PARD3: variants seen among roughly 807,000 people sequenced by gnomAD.
The protein encoded by PARD3 is partitioning defective 3 homolog.
In PARD3, 75 loss-of-function variants were observed where a neutral mutation model predicts 155.4. The ratio of observed to expected loss-of-function variants is 0.48; its 90% CI spans 0.40 to 0.58. The LOEUF (loss-of-function observed/expected upper bound fraction) is 0.58, where lower values mean the gene tolerates loss of function less well. Ranked by LOEUF, PARD3 falls within the 20% of genes least tolerant of loss-of-function variation. The pLI is 0.00. For synonymous variants in PARD3, 576 were observed against 610.5 expected, an observed-to-expected ratio of 0.94 and a Z score of 0.83; for missense variants, 1,642 against 1,721.7, an observed-to-expected ratio of 0.95 and a Z score of 0.82.
intron 22 of PARD3, among the ~76,000 whole-genome samples, chr10:34,208,922 T>C (rs951658505): frequency 1.2e-4 from 18 of 152,194 alleles, no homozygotes; most frequent in African/African-American, 3.9e-4. Context: ...TAAACAGACA[T>C]GTTAGAATTA....
chr10:34,349,623 ATACTC>A (rs1278919853), intron 14 of PARD3, among the ~76,000 whole-genome samples: 4 of 149,564 alleles, frequency 2.7e-5, no homozygotes, highest in African/African-American at 9.8e-5. Context: ...AATAAAACGA[ATACTC>A]TATACCATTA....
intron 2 of PARD3, among the ~76,000 whole-genome samples, chr10:34,690,020 T>G (rs1443320064): frequency 1.3e-5 from 2 of 152,202 alleles, no homozygotes; most frequent in Non-Finnish European, 2.9e-5. Flanking sequence ...CTCAGCTCAC[T>G]GCAACCTCCG....
chr10:34,552,645 C>T (rs1425930814), intron 2 of PARD3, among the ~76,000 whole-genome samples: 6 of 151,740 alleles, frequency 4.0e-5, no homozygotes, highest in African/African-American at 7.3e-5. Context: ...ACCCAGGAAG[C>T]GGAGGTTACA....
chr10:34,805,534 C>T (rs1843259252), intron 1 of PARD3, among the ~76,000 whole-genome samples: 1 of 122,788 alleles, frequency 8.1e-6, no homozygotes, highest in Non-Finnish European at 1.8e-5. Context: ...GAAATACACA[C>T]GTATGTGCAT....
intron 24 of PARD3, among the ~76,000 whole-genome samples, chr10:34,117,251 T>C (rs1588821605): frequency 6.6e-6 from 1 of 152,162 alleles, no homozygotes; most frequent in East Asian, 1.9e-4. Context: ...CCAAAATATA[T>C]GAAGCCAAAC....
At chr10:34,464,312 ACTCAGG>A (rs1338951319) in intron 4 of PARD3, among the ~76,000 whole-genome samples, 1 of 152,066 alleles carries the variant, frequency 6.6e-6, no homozygotes, top group Non-Finnish European at 1.5e-5. Flanking sequence ...AAGTTCTGGA[ACTCAGG>A]AATAGTACCA....
intron 20 of PARD3, among the ~76,000 whole-genome samples, chr10:34,311,256 T>G (rs886667920): frequency 2.6e-5 from 4 of 152,238 alleles, no homozygotes; most frequent in African/African-American, 9.6e-5. Context: ...ACTTCAGTTA[T>G]TTATTTTTTT....
At chr10:34,359,560 CA>C (rs1330902898) in intron 13 of PARD3, among the ~76,000 whole-genome samples, 1 of 151,974 alleles carries the variant, frequency 6.6e-6, no homozygotes, top group Non-Finnish European at 1.5e-5. Flanking sequence ...ATCTGTTTAC[CA>C]AAATAGCATA....
intron 1 of PARD3, among the ~76,000 whole-genome samples, chr10:34,744,748 G>C (rs111398440): frequency 6.6e-6 from 1 of 152,280 alleles, no homozygotes; most frequent in African/African-American, 2.4e-5. Context: ...TGTAATAATT[G>C]AACAAAAAAA....
At chr10:34,186,357 TA>T (rs61694192) in intron 22 of PARD3, among the ~76,000 whole-genome samples, 29,143 of 125,670 alleles carry the variant, frequency 0.23, 3,221 homozygotes, top group Middle Eastern at 0.33. Flanking sequence ...GAGACCCTCT[TA>T]AAAAAAAAAA....
At position 34,129,676 on chromosome 10, in the gene PARD3, C is replaced by CTTTTTTTTT. The variant is rs139162678; in HGVS notation, c.3540+1778_3540+1786dup. 8.9e-3 allele frequency among the ~76,000 whole-genome samples: 1,067 copies of CTTTTTTTTT among 119,778 alleles called. 34 individuals are homozygous for CTTTTTTTTT. The highest frequency in any genetic ancestry group is 0.027 in the African/African-American group (891 of 32,764). The allele number at this position is 119,778 out of a possible 152,430, so 78.6% of individuals were successfully genotyped here. On this transcript the variant is annotated intron_variant, in intron 23 of 24. Transcript: ENST00000374788. ...TTACCCTTCCTCAAATCAAATGTTC[C>CTTTTTTTTT]TTTTTTTTTGTAATGTCAAGCCTCT...
intron 2 of PARD3, among the ~76,000 whole-genome samples, chr10:34,551,037 A>T (rs1200699694): frequency 6.6e-6 from 1 of 152,194 alleles, no homozygotes; most frequent in East Asian, 1.9e-4. Context: ...TCCAGTTACA[A>T]AAATACACTA....
At chr10:34,472,929 T>A (rs967731188) in intron 3 of PARD3, among the ~76,000 whole-genome samples, 1 of 152,218 alleles carries the variant, frequency 6.6e-6, no homozygotes, top group African/African-American at 2.4e-5. Flanking sequence ...AAACATTGTG[T>A]TAATGTGTTA....
intron 22 of PARD3, among the ~76,000 whole-genome samples, chr10:34,133,999 A>G (rs192185706): frequency 2.3e-4 from 35 of 152,338 alleles, no homozygotes; most frequent in Non-Finnish European, 4.6e-4. Context: ...GGCCTGGAAC[A>G]TTAAAGGTGA....
At chr10:34,419,726 C>T (rs1369245588) in intron 5 of PARD3, among the ~76,000 whole-genome samples, 2 of 152,286 alleles carry the variant, frequency 1.3e-5, no homozygotes, top group South Asian at 2.1e-4. Flanking sequence ...TTTCACCCTA[C>T]ATTTCTATTC....
intron 2 of PARD3, among the ~76,000 whole-genome samples, chr10:34,606,638 C>CAAAAAAAA (rs398013195): frequency 5.0e-4 from 40 of 79,632 alleles, no homozygotes; most frequent in African/African-American, 1.9e-3. Context: ...CCCGTGTCTT[C>CAAAAAAAA]AAAAAAAAAA....
Position 34,776,826 on chromosome 10 carries a change from G to GTT in PARD3, c.120+38048_120+38049dup, listed in dbSNP as rs202074847. ...ACTATTTCCAAGTATTTTCAGTCGT[G>GTT]TTTTTTTGTGGGGGGGGGGGGCGGG... is the stretch of plus-strand genomic sequence containing the variant. On this transcript the variant is annotated intron_variant, in intron 1 of 24. Transcript: ENST00000374788. Among the ~76,000 whole-genome samples, 440 of 45,770 alleles carry GTT rather than the reference G, an allele frequency of 9.6e-3. 33 individuals carry two copies. Among genetic ancestry groups the GTT allele is most frequent in the African/African-American group, 0.043 (415 of 9,730 alleles). The allele number at this position is 45,770 out of a possible 152,430, so 30.0% of individuals were successfully genotyped here. A position where few individuals can be genotyped will look rare whatever the true frequency, so the allele number is the denominator to read the frequency against.
chr10:34,690,662 A>C (rs1010514490), intron 2 of PARD3, among the ~76,000 whole-genome samples: 2 of 152,172 alleles, frequency 1.3e-5, no homozygotes, highest in African/African-American at 4.8e-5. Context: ...ATCCCAGAAA[A>C]CATGTTATAA....
At chr10:34,175,768 C>G (rs1449100639) in intron 22 of PARD3, among the ~76,000 whole-genome samples, 1 of 152,102 alleles carries the variant, frequency 6.6e-6, no homozygotes, top group African/African-American at 2.4e-5. Context: ...TTAAAACAAT[C>G]AGTTTTATGG....
Sources: gnomAD v4.1 joint callset for allele counts (sites outside exome capture counted in the v4.1 genomes callset) on GRCh38, gnomAD v4.1.1 for gene constraint, MANE v1.5 for transcripts, NCBI Gene and HGNC (gene_info 2026-07-23, HGNC 2026-07-21) for gene names.